The following STON2 variants were observed in gnomAD, a reference collection of about 807,000 sequenced individuals.
STON2 encodes the protein stonin-2.
STON2 carries 29 observed loss-of-function variants against 65.7 expected under a neutral mutation model. The ratio of observed to expected loss-of-function variants is 0.44; its 90% CI spans 0.33 to 0.60. The LOEUF (loss-of-function observed/expected upper bound fraction) is 0.60, where lower values mean the gene tolerates loss of function less well. Ranked by LOEUF, STON2 falls within the 20% of genes least tolerant of loss-of-function variation. The pLI is 0.03. For synonymous variants in STON2, 404 were observed against 414.2 expected, an observed-to-expected ratio of 0.98 and a Z score of 0.30; for missense variants, 1,054 against 1,118.1, an observed-to-expected ratio of 0.94 and a Z score of 0.82.
In STON2 at chr14:81,395,952, A is replaced by T; in HGVS notation, c.315T>A (p.Phe105Leu). 1 of 1,614,114 alleles carries T rather than the reference A, an allele frequency of 6.2e-7. No individual in the cohort carries two copies. The highest frequency in any genetic ancestry group is 1.3e-5 in the African/African-American group (1 of 75,026). The part of the protein sequence containing the change: ...LASAISNWVQ[F>L]EDDTPWASTS... ...TGCTGGCCCAGGGTGTGTCATCTTCAAACTGAACCCAGTTGCTGATGGCCG... is the reference window on the plus strand; with the variant it reads ...TGCTGGCCCAGGGTGTGTCATCTTCTAACTGAACCCAGTTGCTGATGGCCG... The change falls in exon 3 of 8, where the codon TTT becomes TTA. Residue 105 changes from phenylalanine (F) to leucine (L), a missense_variant. By Grantham distance (22) the Phe-to-Leu change is conservative. Coordinates refer to ENST00000614646, the MANE Select transcript of STON2 (RefSeq NM_001394390.1).
intron 2 of STON2, among the ~76,000 whole-genome samples, chr14:81,409,735 C>G (rs1448473690): frequency 6.6e-6 from 1 of 152,196 alleles, no homozygotes; most frequent in Admixed American, 6.5e-5. Flanking sequence ...AAATTCTGCA[C>G]TCTTTCCACA....
chr14:81,379,234 A>G (rs1899398649), intron 3 of STON2, among the ~76,000 whole-genome samples: 1 of 152,228 alleles, frequency 6.6e-6, no homozygotes, highest in South Asian at 2.1e-4. Context: ...CCAGCAAGAA[A>G]TATTTAGAAA....
chr14:81,277,803 C>A lies in STON2; in HGVS notation c.1679G>T (p.Arg560Leu), dbSNP rs763501050. The change falls in exon 6 of 8, where the codon CGT (arginine) becomes CTT (leucine). Residue 560 changes from arginine (R) to leucine (L), a missense_variant. By Grantham distance (102) the Arg-to-Leu change is moderately radical. Transcript: ENST00000614646. ...NGRIHSLRID[R>L]VTYKEKKKYQ... ...TTTCTTCTTCTCTTTATAGGTGACA[C>A]GGTCTATCCGCAAGCTGTGGATTCT... 1 of 1,614,136 alleles carries A rather than the reference C, an allele frequency of 6.2e-7. No individual in the cohort carries two copies. The highest frequency in any genetic ancestry group is 2.2e-5 in the East Asian group (1 of 44,880).
chr14:81,274,660 G>A (rs974872007), intron 6 of STON2, among the ~76,000 whole-genome samples: 13 of 152,024 alleles, frequency 8.6e-5, no homozygotes, highest in African/African-American at 2.9e-4. Context: ...ATAGGGCCAG[G>A]TGCGGTGCCT....
chr14:81,272,375 T>C (rs935864094), intron 6 of STON2, among the ~76,000 whole-genome samples: 1 of 152,214 alleles, frequency 6.6e-6, no homozygotes, highest in Non-Finnish European at 1.5e-5. Flanking sequence ...AGAACCCCCA[T>C]ATAGCAACTA....
chr14:81,330,453 AT>A (rs1897171092), intron 4 of STON2, among the ~76,000 whole-genome samples: 1 of 152,030 alleles, frequency 6.6e-6, no homozygotes, highest in East Asian at 1.9e-4. Flanking sequence ...TTTTCTTAAA[AT>A]GTTATTTATG....
At position 81,267,004 on chromosome 14, in the gene STON2, A is replaced by T; in HGVS notation, c.*1410T>A. 2.0e-6 allele frequency: 2 copies of T among 985,316 alleles called. No homozygotes were observed. The highest frequency in any genetic ancestry group is 2.4e-6 in the Non-Finnish European group (2 of 829,868). 61.0% of individuals were successfully genotyped at this position (985,316 alleles called of 1,614,324 possible). A position where few individuals can be genotyped will look rare whatever the true frequency, so the allele number is the denominator to read the frequency against. ...TATCCCAGTGTCAATACACATTTAG[A>T]CTCCAATGATTGTTCATTGAATACA... On this transcript the variant is annotated 3_prime_UTR_variant, in exon 8 of 8. Coordinates refer to ENST00000614646, the MANE Select transcript of STON2 (RefSeq NM_001394390.1).
chr14:81,337,401 T>C (rs1897414984), intron 4 of STON2, among the ~76,000 whole-genome samples: 1 of 152,210 alleles, frequency 6.6e-6, no homozygotes, highest in Non-Finnish European at 1.5e-5. Flanking sequence ...AGAAAGTCCC[T>C]GTGCATGTGG....
chr14:81,404,882 CT>C (rs1267014075), upstream of STON2, among the ~76,000 whole-genome samples: 1 of 152,214 alleles, frequency 6.6e-6, no homozygotes, highest in African/African-American at 2.4e-5. Context: ...TTGAAGGCTA[CT>C]TTTCACAAGA....
In STON2 at chr14:81,336,300, G is replaced by A. The variant is rs1373180463; in HGVS notation, c.572-12113C>T. ...AAACTCTGTGAAGCGGTTAGGTAGG[G>A]TGGGTATCCTTGTTACCACATTCCA... is the stretch of plus-strand genomic sequence containing the variant. On this transcript the variant is annotated intron_variant, in intron 4 of 7. Coordinates refer to ENST00000614646, the MANE Select transcript of STON2 (RefSeq NM_001394390.1). Among the ~76,000 whole-genome samples, 5 of 152,188 alleles carry A rather than the reference G, an allele frequency of 3.3e-5. 1 individual carries two copies. In the South Asian group the frequency reaches 8.3e-4, roughly 25 times the overall value.
intron 4 of STON2, among the ~76,000 whole-genome samples, chr14:81,356,541 T>C (rs1028655121): frequency 5.3e-5 from 8 of 152,146 alleles, no homozygotes; most frequent in African/African-American, 1.9e-4. Flanking sequence ...TTAGGGAGGA[T>C]TCCCTCTTTT....
At chr14:81,295,108 A>C (rs1390212628) in intron 5 of STON2, among the ~76,000 whole-genome samples, 1 of 152,166 alleles carries the variant, frequency 6.6e-6, no homozygotes, top group African/African-American at 2.4e-5. Flanking sequence ...GCGGATCACG[A>C]GGTCAGGAGA....
intron 4 of STON2, among the ~76,000 whole-genome samples, chr14:81,330,039 GAGA>G (rs1897153125): frequency 4.6e-5 from 7 of 152,190 alleles, no homozygotes; most frequent in Admixed American, 4.6e-4. Flanking sequence ...CACGTTGGGG[GAGA>G]AGTACTTTAT....
chr14:81,336,974 G>A (rs1334825987), intron 4 of STON2, among the ~76,000 whole-genome samples: 1 of 152,150 alleles, frequency 6.6e-6, no homozygotes, highest in Non-Finnish European at 1.5e-5. Context: ...TGGGGAAGTT[G>A]CAGAACTTTC....
chr14:81,387,285 T>TAAATCATATGGCAACCTC (rs1899859284), intron 3 of STON2, among the ~76,000 whole-genome samples: 1 of 152,128 alleles, frequency 6.6e-6, no homozygotes, highest in South Asian at 2.1e-4. Flanking sequence ...CATACAACCT[T>TAAATCATATGGCAACCTC]AAATCATATG....
chr14:81,343,010 C>T (rs1484612436), intron 4 of STON2, among the ~76,000 whole-genome samples: 1 of 152,150 alleles, frequency 6.6e-6, no homozygotes, highest in Non-Finnish European at 1.5e-5. Flanking sequence ...TAAGTGGAGA[C>T]CACATCTCAG....
At chr14:81,319,585 ATTTG>A (rs1384265158) in intron 5 of STON2, among the ~76,000 whole-genome samples, 1 of 152,208 alleles carries the variant, frequency 6.6e-6, no homozygotes, top group African/African-American at 2.4e-5. Flanking sequence ...CCTGAGTGTT[ATTTG>A]TTTAAGTATA....
Position 81,412,250 on chromosome 14 carries a change from A to C in STON2, c.-198-13670T>G, listed in dbSNP as rs1347748592. ...CGAAACTCAGCAAAGAAGAGAATGG[A>C]AAGGGAAAGACTGGAATTAAAGCAA... On this transcript the variant is annotated intron_variant, in intron 2 of 8. Transcript: ENST00000553821. Among the ~76,000 whole-genome samples the C allele has an allele frequency of 5.0e-5, 7 of 140,134 alleles. 3 individuals carry two copies. The highest frequency in any genetic ancestry group is 2.0e-4 in the African/African-American group (7 of 34,176). The allele number at this position is 140,134 out of a possible 152,430, so 91.9% of individuals were successfully genotyped here.
At chr14:81,329,052 C>T (rs141639479) in intron 4 of STON2, among the ~76,000 whole-genome samples, 178 of 152,280 alleles carry the variant, frequency 1.2e-3, no homozygotes, top group African/African-American at 3.7e-3. Flanking sequence ...ATCCCCAGAA[C>T]GTACGAATGT....
Sources: allele counts gnomAD v4.1 joint callset (sites outside exome capture counted in the v4.1 genomes callset), GRCh38; gene constraint gnomAD v4.1.1; transcripts MANE v1.5; gene names NCBI Gene and HGNC (gene_info 2026-07-23, HGNC 2026-07-21).